The following GRID1 variants were observed in gnomAD, a reference collection of about 807,000 sequenced individuals.
The protein encoded by GRID1 is glutamate receptor ionotropic, delta-1.
In GRID1, 28 loss-of-function variants were observed where a neutral mutation model predicts 98.0. The observed-to-expected ratio is 0.29, with a 90% CI of 0.21 to 0.39. The LOEUF is 0.39. Among genes scored for constraint, GRID1 ranks in the 10% least tolerant of loss-of-function variants. The pLI is 1.00. For synonymous variants in GRID1, 553 were observed against 538.5 expected (o/e 1.03, Z -0.37); for missense variants, 1,111 against 1,340.5 (o/e 0.83, Z 2.67).
chr10:85,781,866 AT>A (rs1192961821), intron 8 of GRID1, among the ~76,000 whole-genome samples: 2 of 151,860 alleles, frequency 1.3e-5, no homozygotes, highest in East Asian at 3.9e-4. Context: ...CTGGGCCTGG[AT>A]TTATACACAA....
chr10:86,011,272 C>G (rs1185452953), intron 4 of GRID1, among the ~76,000 whole-genome samples: 2 of 152,124 alleles, frequency 1.3e-5, no homozygotes, highest in East Asian at 3.8e-4. Flanking sequence ...CACATGTGAT[C>G]ATCTGAAATA....
chr10:85,914,923 C>T lies in GRID1; in HGVS notation c.780+1263G>A, dbSNP rs118127778. Among the ~76,000 whole-genome samples, 246 of 152,240 alleles carry T rather than the reference C, an allele frequency of 1.6e-3. 1 individual carries two copies. Among genetic ancestry groups the T allele is most frequent in the Non-Finnish European group, 3.0e-3 (203 of 68,018 alleles). On this transcript the variant is annotated intron_variant, in intron 5 of 15. Transcript: ENST00000327946. Reference sequence around the variant, plus strand: ...TGCACTGAGGTCACACAGGCCACCCCGGTAGTGCTCCTCAAAGGATATGTG... The same window carrying T: ...TGCACTGAGGTCACACAGGCCACCCTGGTAGTGCTCCTCAAAGGATATGTG...
intron 4 of GRID1, among the ~76,000 whole-genome samples, chr10:85,924,226 T>A (rs767790800): frequency 3.3e-5 from 5 of 152,224 alleles, no homozygotes; most frequent in Non-Finnish European, 5.9e-5. Context: ...TTGCTTTGCA[T>A]GGTGCATGGT....
intron 5 of GRID1, among the ~76,000 whole-genome samples, chr10:85,894,477 G>A (rs1351715807): frequency 6.6e-6 from 1 of 152,144 alleles, no homozygotes; most frequent in Non-Finnish European, 1.5e-5. Context: ...GTTGTCTTGA[G>A]ATTAGGTAGA....
intron 8 of GRID1, among the ~76,000 whole-genome samples, chr10:85,798,053 T>C (rs1358896019): frequency 6.6e-6 from 1 of 152,226 alleles, no homozygotes; most frequent in Non-Finnish European, 1.5e-5. Context: ...TTTTCTGTTG[T>C]GAATACATGG....
At chr10:85,801,532 G>T (rs1189776020) in intron 8 of GRID1, among the ~76,000 whole-genome samples, 1 of 151,676 alleles carries the variant, frequency 6.6e-6, no homozygotes, top group Non-Finnish European at 1.5e-5. Flanking sequence ...TATGAATTTT[G>T]TTAAACAAAT....
chr10:85,609,254 G>T (rs1842706765), intron 15 of GRID1, among the ~76,000 whole-genome samples: 1 of 152,308 alleles, frequency 6.6e-6, no homozygotes, highest in Middle Eastern at 3.4e-3. Flanking sequence ...GGGCTAACAA[G>T]ATTGCTCAGC....
intron 10 of GRID1, among the ~76,000 whole-genome samples, chr10:85,726,896 T>C (rs933714906): frequency 1.3e-5 from 2 of 152,248 alleles, no homozygotes; most frequent in Non-Finnish European, 2.9e-5. Flanking sequence ...ATATCTAAAA[T>C]GGATAAATTT....
chr10:86,175,348 A>G (rs1027758686), intron 3 of GRID1, among the ~76,000 whole-genome samples: 1 of 151,982 alleles, frequency 6.6e-6, no homozygotes, highest in Non-Finnish European at 1.5e-5. Context: ...AGCAAAAAAA[A>G]AAAAAAAGAC....
At chr10:86,002,211 G>A (rs1032810906) in intron 4 of GRID1, among the ~76,000 whole-genome samples, 2 of 152,164 alleles carry the variant, frequency 1.3e-5, no homozygotes, top group Non-Finnish European at 1.5e-5. Context: ...TCCATGAGGT[G>A]ATACAATTCA....
chr10:85,891,752 G>A (rs961425789), intron 5 of GRID1, among the ~76,000 whole-genome samples: 17 of 152,062 alleles, frequency 1.1e-4, no homozygotes, highest in Non-Finnish European at 1.9e-4. Flanking sequence ...GTCCCAAGGA[G>A]GGAGAAAGTC....
intron 2 of GRID1, among the ~76,000 whole-genome samples, chr10:86,360,466 T>C (rs1848585948): frequency 1.3e-5 from 2 of 152,262 alleles, no homozygotes; most frequent in South Asian, 4.1e-4. Flanking sequence ...TTTATATTTT[T>C]ATATTAATAC....
intron 4 of GRID1, among the ~76,000 whole-genome samples, chr10:85,981,251 G>A (rs1270184139): frequency 6.6e-6 from 1 of 152,144 alleles, no homozygotes; most frequent in Non-Finnish European, 1.5e-5. Flanking sequence ...ACCTCTTCAG[G>A]CACAAGCTTT....
At chr10:85,673,832 G>T (rs1016312168) in intron 12 of GRID1, among the ~76,000 whole-genome samples, 2 of 151,524 alleles carry the variant, frequency 1.3e-5, no homozygotes, top group East Asian at 3.9e-4. Flanking sequence ...CACTCTTCTC[G>T]ATTAATAGAT....
At chr10:86,351,465 C>A (rs1589458992) in intron 2 of GRID1, among the ~76,000 whole-genome samples, 1 of 152,158 alleles carries the variant, frequency 6.6e-6, no homozygotes, top group African/African-American at 2.4e-5. Context: ...CAGCACAGGC[C>A]CCCCTACAAG....
chr10:86,179,115 G>A (rs896869459), intron 3 of GRID1, among the ~76,000 whole-genome samples: 2 of 152,186 alleles, frequency 1.3e-5, no homozygotes, highest in Middle Eastern at 3.4e-3. Context: ...CCACCCAGAA[G>A]GGAGAAATCC....
At chr10:85,707,199 T>C (rs1841530417) in intron 12 of GRID1, among the ~76,000 whole-genome samples, 1 of 152,102 alleles carries the variant, frequency 6.6e-6, no homozygotes, top group Non-Finnish European at 1.5e-5. Flanking sequence ...GAGAAAACTT[T>C]TGCAATCTAC....
intron 2 of GRID1, among the ~76,000 whole-genome samples, chr10:86,260,271 ATAATACT>A (rs1846995501): frequency 6.6e-6 from 1 of 152,198 alleles, no homozygotes; most frequent in Non-Finnish European, 1.5e-5. Flanking sequence ...TTACTTCATG[ATAATACT>A]TACACCAATC....
At chr10:85,901,850 C>G (rs145881646) in intron 5 of GRID1, among the ~76,000 whole-genome samples, 255 of 152,310 alleles carry the variant, frequency 1.7e-3, no homozygotes, top group African/African-American at 6.0e-3. Flanking sequence ...AAGAATGATA[C>G]TGCAGAACAA....
Sources: gnomAD v4.1 joint callset for allele counts (sites outside exome capture counted in the v4.1 genomes callset) on GRCh38, gnomAD v4.1.1 for gene constraint, MANE v1.5 for transcripts, NCBI Gene and HGNC (gene_info 2026-07-23, HGNC 2026-07-21) for gene names.